C10orf90: variants seen among roughly 807,000 people sequenced by gnomAD.
C10orf90 encodes the protein chromosome 10 open reading frame 90, also known as (E2-independent) E3 ubiquitin-conjugating enzyme FATS.
In C10orf90, 56 loss-of-function variants were observed where a neutral mutation model predicts 62.5. That is an observed-to-expected ratio of 0.90 (90% CI 0.72 to 1.12). The LOEUF (loss-of-function observed/expected upper bound fraction) is 1.12. C10orf90 is among the 50% of genes most tolerant of loss of function. The probability of loss-of-function intolerance (pLI) is 0.00; values close to 1 mark genes in which losing one functional copy is unlikely to be tolerated. For synonymous variants in C10orf90, 386 were observed against 340.4 expected, an observed-to-expected ratio of 1.13 and a Z score of -1.47; for missense variants, 970 against 880.4, an observed-to-expected ratio of 1.10 and a Z score of -1.29.
chr10:126,610,534 A>C (rs1042164693), intron 2 of C10orf90, among the ~76,000 whole-genome samples: 2 of 152,228 alleles, frequency 1.3e-5, no homozygotes, highest in African/African-American at 4.8e-5. Flanking sequence ...CCTCAGATGC[A>C]GATAACACTC....
At chr10:126,666,670 T>C (rs1846633255) in intron 1 of C10orf90, among the ~76,000 whole-genome samples, 1 of 152,062 alleles carries the variant, frequency 6.6e-6, no homozygotes, top group Non-Finnish European at 1.5e-5. Flanking sequence ...CAGAGGCATA[T>C]GCAGTTCTTT....
chr10:126,657,216 C>T (rs1220470298), intron 1 of C10orf90, among the ~76,000 whole-genome samples: 1 of 152,138 alleles, frequency 6.6e-6, no homozygotes, highest in Non-Finnish European at 1.5e-5. Context: ...CACAATTGAG[C>T]ACGTTCACAA....
intron 2 of C10orf90, among the ~76,000 whole-genome samples, chr10:126,617,621 A>G (rs1293551846): frequency 6.6e-6 from 1 of 152,266 alleles, no homozygotes; most frequent in East Asian, 1.9e-4. Flanking sequence ...CTGCAAGAGC[A>G]GCATTCTCCA....
At chr10:126,443,742 A>T (rs376974167) in intron 7 of C10orf90, among the ~76,000 whole-genome samples, 1 of 152,144 alleles carries the variant, frequency 6.6e-6, no homozygotes. Context: ...ACAGACTGAT[A>T]TCCCTGATGA....
At position 126,606,914 on chromosome 10, in the gene C10orf90, G is replaced by A. The variant is rs1454594665; in HGVS notation, c.313+39651C>T. On this transcript the variant is annotated intron_variant, in intron 2 of 9. Transcript: ENST00000488181. ...TAGCCATCAGAAGAGTCATGGCAAT[G>A]ACCCATAAGCCTTAAAGAGAAAACT... Among the ~76,000 whole-genome samples, 9 of 152,214 alleles carry A rather than the reference G, an allele frequency of 5.9e-5. No homozygotes were observed. The South Asian group carries it at 1.2e-3, about 21-fold the overall frequency.
intron 8 of C10orf90, among the ~76,000 whole-genome samples, 190 bp downstream of exon 8, chr10:126,429,597 G>A (rs1857455436): frequency 6.6e-6 from 1 of 152,200 alleles, no homozygotes; most frequent in African/African-American, 2.4e-5. Flanking sequence ...TCCAAGAGCA[G>A]CATTAACATT....
chr10:126,505,231 G>T, intron 3 of C10orf90, 146 bp from the exon 4 acceptor site: 1 of 736,610 alleles, frequency 1.4e-6, no homozygotes, highest in Non-Finnish European at 2.1e-6. Flanking sequence ...CACACCTGAT[G>T]CTCAGAGATG....
chr10:126,538,199 C>T (rs1257340887), intron 2 of C10orf90, among the ~76,000 whole-genome samples: 1 of 152,126 alleles, frequency 6.6e-6, no homozygotes, highest in African/African-American at 2.4e-5. Context: ...AGGGGAACTC[C>T]CTTTTATAAA....
chr10:126,594,253 C>T (rs545924077), intron 2 of C10orf90, among the ~76,000 whole-genome samples: 2 of 151,826 alleles, frequency 1.3e-5, no homozygotes, highest in East Asian at 3.9e-4. Flanking sequence ...CCAAGAAAAC[C>T]AAAAAGGAGC....
intron 2 of C10orf90, among the ~76,000 whole-genome samples, chr10:126,555,018 T>C (rs1864727664): frequency 6.6e-6 from 1 of 152,192 alleles, no homozygotes; most frequent in African/African-American, 2.4e-5. Context: ...AGATTTCCCT[T>C]TTATTCAGGG....
At chr10:126,521,848 A>G (rs1206167733) in intron 2 of C10orf90, among the ~76,000 whole-genome samples, 1 of 152,234 alleles carries the variant, frequency 6.6e-6, no homozygotes, top group African/African-American at 2.4e-5. Context: ...TTTATAATTT[A>G]TACCCAACCA....
chr10:126,554,141 G>A (rs1015729827), intron 2 of C10orf90, among the ~76,000 whole-genome samples: 2 of 151,754 alleles, frequency 1.3e-5, no homozygotes, highest in East Asian at 1.9e-4. Context: ...GTCCACCAAC[G>A]GTGGAACAGA....
intron 2 of C10orf90, among the ~76,000 whole-genome samples, chr10:126,587,971 G>A (rs552092911): frequency 1.3e-5 from 2 of 152,184 alleles, no homozygotes; most frequent in African/African-American, 4.8e-5. Flanking sequence ...ATCCAGGGAG[G>A]CAAGTGGCCC....
At chr10:126,545,484 G>A (rs1431673656) in intron 2 of C10orf90, among the ~76,000 whole-genome samples, 1 of 151,564 alleles carries the variant, frequency 6.6e-6, no homozygotes, top group Non-Finnish European at 1.5e-5. Flanking sequence ...ACCTTTAAAA[G>A]TATTCACTTA....
At chr10:126,607,297 G>C (rs544557149) in intron 2 of C10orf90, among the ~76,000 whole-genome samples, 3 of 152,312 alleles carry the variant, frequency 2.0e-5, no homozygotes, top group South Asian at 4.1e-4. Flanking sequence ...ACTCACATTA[G>C]CTGTGATGCG....
intron 4 of C10orf90, among the ~76,000 whole-genome samples, chr10:126,491,394 G>A (rs2133839418): frequency 6.6e-6 from 1 of 152,156 alleles, no homozygotes; most frequent in South Asian, 2.1e-4. Context: ...TAGTTACATA[G>A]GTATATACAT....
Position 126,427,759 on chromosome 10 carries a change from G to T in C10orf90, c.2253-1669C>A, listed in dbSNP as rs1181727242. ...GCCACAGACTGAAGCCTATGCTGTT[G>T]GTTTCTCTGGTTTTAAGGCTTTTGA... On this transcript the variant is annotated intron_variant, in intron 8 of 9. Transcript: ENST00000488181. Among the ~76,000 whole-genome samples, 9 of 152,238 alleles carry T rather than the reference G, an allele frequency of 5.9e-5. No homozygotes were observed. In the East Asian group the frequency reaches 1.5e-3, roughly 26 times the overall value.
intron 1 of C10orf90, 35 bp downstream of exon 1, chr10:126,670,206 C>T (rs1377052777): frequency 2.2e-6 from 1 of 454,948 alleles, no homozygotes; most frequent in Non-Finnish European, 4.4e-6. Context: ...CTGAGTCAAG[C>T]GTGTACCCAC....
chr10:126,576,719 GA>G lies in C10orf90; in HGVS notation c.314-62781del, dbSNP rs1399342355. Among the ~76,000 whole-genome samples the G allele has an allele frequency of 2.5e-3, 99 of 39,892 alleles. 6 individuals carry two copies. Among genetic ancestry groups the G allele is most frequent in the African/African-American group, 4.2e-3 (36 of 8,508 alleles). The allele number at this position is 39,892 out of a possible 152,430, so 26.2% of individuals were successfully genotyped here. ...TATATGTATATGTATATATATACAA[GA>G]TATACATATATATGTATATGTATAT... On this transcript the variant is annotated intron_variant, in intron 2 of 9. Transcript: ENST00000488181.
Sources: allele counts gnomAD v4.1 joint callset (sites outside exome capture counted in the v4.1 genomes callset), GRCh38; gene constraint gnomAD v4.1.1; transcripts MANE v1.5; gene names NCBI Gene and HGNC (gene_info 2026-07-23, HGNC 2026-07-21).